DPP6: variants seen among roughly 807,000 people sequenced by gnomAD.
The protein encoded by DPP6 is A-type potassium channel modulatory protein DPP6.
A neutral mutation model predicts 122.6 loss-of-function variants in DPP6; 69 were observed. The ratio of observed to expected loss-of-function variants is 0.56; its 90% confidence interval spans 0.46 to 0.69. The LOEUF (loss-of-function observed/expected upper bound fraction) is 0.69, where lower values mean the gene tolerates loss of function less well. Among genes scored for constraint, DPP6 ranks in the 30% least tolerant of loss-of-function variants. DPP6 has a pLI of 0.00. For missense variants in DPP6, 928 were observed against 1,116.9 expected (o/e 0.83, Z 2.41); for synonymous variants, 418 against 433.1 (o/e 0.97, Z 0.43).
chr7:154,682,568 A>C (rs180802863), intron 7 of DPP6, among the ~76,000 whole-genome samples: 1 of 152,380 alleles, frequency 6.6e-6, no homozygotes, highest in East Asian at 1.9e-4. Context: ...GAGAGGGCAC[A>C]GAACAGAAGA....
At chr7:154,275,207 TC>T (rs1180466445) in intron 1 of DPP6, among the ~76,000 whole-genome samples, 83 of 152,244 alleles carry the variant, frequency 5.5e-4, no homozygotes, top group Non-Finnish European at 8.7e-4. Context: ...TATTCCAGCC[TC>T]CTTTCCCCAG....
At chr7:154,734,840 T>C (rs1326347657) in intron 8 of DPP6, among the ~76,000 whole-genome samples, 1 of 152,202 alleles carries the variant, frequency 6.6e-6, no homozygotes, top group Admixed American at 6.5e-5. Flanking sequence ...AAAACAAAGA[T>C]AACAGCAGTA....
chr7:154,061,798 C>T (rs192510207), intron 1 of DPP6, among the ~76,000 whole-genome samples: 6,923 of 93,992 alleles, frequency 0.074, 351 homozygotes, highest in South Asian at 0.15. Flanking sequence ...CCCCTCGCGA[C>T]GCGGGGACTG....
At chr7:154,027,477 G>T (rs1264375558) in intron 1 of DPP6, among the ~76,000 whole-genome samples, 3 of 152,138 alleles carry the variant, frequency 2.0e-5, no homozygotes, top group African/African-American at 4.8e-5. Context: ...GGTGGAAGGG[G>T]TGAGGGGTCT....
At chr7:153,964,564 A>G (rs1298605583) in intron 1 of DPP6, among the ~76,000 whole-genome samples, 3 of 152,026 alleles carry the variant, frequency 2.0e-5, no homozygotes, top group Non-Finnish European at 4.4e-5. Flanking sequence ...TGCACCCACT[A>G]CCTGGGAGAT....
chr7:154,175,561 T>C (rs1797756287), intron 1 of DPP6, among the ~76,000 whole-genome samples: 1 of 151,706 alleles, frequency 6.6e-6, no homozygotes, highest in East Asian at 1.9e-4. Flanking sequence ...ATACAGCCAC[T>C]CTATGCTGGA....
intron 22 of DPP6, 67 bp downstream of exon 22, chr7:154,885,811 G>C: frequency 6.5e-7 from 1 of 1,537,728 alleles, no homozygotes. Flanking sequence ...TGCCTGCGTG[G>C]CCCCACAGCC....
At chr7:154,500,646 A>G (rs553365575) in intron 3 of DPP6, among the ~76,000 whole-genome samples, 2 of 152,282 alleles carry the variant, frequency 1.3e-5, no homozygotes, top group East Asian at 3.9e-4. Context: ...TTTACCTTCC[A>G]CCAGGATTGT....
At chr7:154,211,611 C>T (rs1403755498) in intron 1 of DPP6, among the ~76,000 whole-genome samples, 6 of 152,148 alleles carry the variant, frequency 3.9e-5, no homozygotes, top group African/African-American at 1.4e-4. Context: ...ATTTATGGCT[C>T]TCTTTTTGGC....
chr7:154,000,059 T>A (rs1345743377), intron 1 of DPP6, among the ~76,000 whole-genome samples: 1 of 152,210 alleles, frequency 6.6e-6, no homozygotes, highest in Admixed American at 6.5e-5. Flanking sequence ...GTAAATTTGC[T>A]TTGTAATGTT....
chr7:154,170,480 G>A (rs773739527), intron 1 of DPP6, among the ~76,000 whole-genome samples: 3 of 152,162 alleles, frequency 2.0e-5, no homozygotes, highest in East Asian at 1.9e-4. Flanking sequence ...CAGTGGTCAC[G>A]ACCTCGCCCA....
intron 1 of DPP6, among the ~76,000 whole-genome samples, chr7:154,086,396 C>T (rs1265268897): frequency 3.4e-5 from 5 of 148,098 alleles, no homozygotes; most frequent in Non-Finnish European, 7.4e-5. Context: ...ACAGGACTGA[C>T]TTTACCCATA....
chr7:154,072,612 A>G (rs1293835988), intron 1 of DPP6, among the ~76,000 whole-genome samples: 1 of 152,302 alleles, frequency 6.6e-6, no homozygotes, highest in Non-Finnish European at 1.5e-5. Context: ...GTAGCTGCCT[A>G]CCCTGATATT....
intron 1 of DPP6, among the ~76,000 whole-genome samples, chr7:153,964,147 C>A (rs114372875): frequency 6.6e-6 from 1 of 152,088 alleles, no homozygotes; most frequent in Non-Finnish European, 1.5e-5. Flanking sequence ...AGACACCCCC[C>A]ACCACGCCTG....
At chr7:154,134,761 CTA>C (rs1276496765) in intron 1 of DPP6, among the ~76,000 whole-genome samples, 1 of 152,192 alleles carries the variant, frequency 6.6e-6, no homozygotes, top group African/African-American at 2.4e-5. Context: ...TGAACACCTC[CTA>C]TGAGCCCACA....
chr7:154,689,818 T>C (rs1029804355), intron 7 of DPP6, among the ~76,000 whole-genome samples: 37 of 152,274 alleles, frequency 2.4e-4, no homozygotes, highest in Non-Finnish European at 3.5e-4. Context: ...GCAGCTGGAA[T>C]ATGATGACAA....
upstream of DPP6, among the ~76,000 whole-genome samples, chr7:153,883,377 CCTTT>C (rs999034222): frequency 1.4e-3 from 181 of 125,180 alleles, 2 homozygotes; most frequent in Non-Finnish European, 2.2e-4. Flanking sequence ...TCCTTCTTTT[CCTTT>C]TTTTTGTTCT....
intron 12 of DPP6, among the ~76,000 whole-genome samples, chr7:154,799,568 G>C (rs1798232383): frequency 6.6e-6 from 1 of 152,190 alleles, no homozygotes; most frequent in Admixed American, 6.5e-5. Flanking sequence ...TTGGTTTTGT[G>C]ATTTCAAAAT....
At chr7:154,231,890 C>A (rs535880281) in intron 1 of DPP6, among the ~76,000 whole-genome samples, 2 of 152,128 alleles carry the variant, frequency 1.3e-5, no homozygotes, top group Non-Finnish European at 2.9e-5. Context: ...TGAGGTCAAC[C>A]GGCTTCCTTG....
Sources: allele counts gnomAD v4.1 joint callset (sites outside exome capture counted in the v4.1 genomes callset), GRCh38; gene constraint gnomAD v4.1.1; transcripts MANE v1.5; gene names NCBI Gene and HGNC (gene_info 2026-07-23, HGNC 2026-07-21).